UTRN: variants seen among roughly 807,000 people sequenced by gnomAD.
UTRN encodes the protein utrophin.
UTRN carries 283 observed loss-of-function variants against 463.9 expected under a neutral mutation model. That is an observed-to-expected ratio of 0.61 (90% CI 0.55 to 0.67). The LOEUF is 0.67. Ranked by LOEUF, UTRN falls within the 30% of genes least tolerant of loss-of-function variation. The pLI, the probability that UTRN is intolerant of heterozygous loss-of-function variation, is 0.00. For synonymous variants in UTRN, 1,442 were observed against 1,431.5 expected, an observed-to-expected ratio of 1.01 and a Z score of -0.17; for missense variants, 3,922 against 4,084.3, an observed-to-expected ratio of 0.96 and a Z score of 1.08.
At chr6:144,361,768 C>CTTTTTTTTT (rs200737117) in intron 2 of UTRN, among the ~76,000 whole-genome samples, 2 of 138,696 alleles carry the variant, frequency 1.4e-5, no homozygotes, top group African/African-American at 5.7e-5. Context: ...TTCTTTCTTT[C>CTTTTTTTTT]TTTCTTTTTT....
chr6:144,805,328 G>C (rs570351995), intron 65 of UTRN, among the ~76,000 whole-genome samples: 4 of 152,304 alleles, frequency 2.6e-5, no homozygotes, highest in Admixed American at 6.5e-5. Context: ...ATACATTGCA[G>C]TAAGTGCCTT....
chr6:144,392,590 A>G (rs1325687102), intron 2 of UTRN, among the ~76,000 whole-genome samples: 1 of 152,204 alleles, frequency 6.6e-6, no homozygotes, highest in Non-Finnish European at 1.5e-5. Flanking sequence ...AAATAAAGAT[A>G]ACTGATGCCT....
chr6:144,593,760 A>G (rs1201874407), intron 51 of UTRN, among the ~76,000 whole-genome samples: 1 of 152,168 alleles, frequency 6.6e-6, no homozygotes, highest in Non-Finnish European at 1.5e-5. Flanking sequence ...AAGTTCATTC[A>G]TTTACATTTT....
chr6:144,604,490 A>AATTATTATTATTC (rs1804609470), intron 51 of UTRN, among the ~76,000 whole-genome samples: 1 of 152,184 alleles, frequency 6.6e-6, no homozygotes, highest in South Asian at 2.1e-4. Context: ...TGTATAAATG[A>AATTATTATTATTC]ATTATTATTA....
chr6:144,784,202 G>A (rs1776101693), intron 61 of UTRN, among the ~76,000 whole-genome samples: 1 of 152,216 alleles, frequency 6.6e-6, no homozygotes, highest in Non-Finnish European at 1.5e-5. Context: ...AACTGGAGAA[G>A]AGGTTCAGTT....
intron 2 of UTRN, among the ~76,000 whole-genome samples, chr6:144,370,453 A>G (rs1341228292): frequency 6.6e-6 from 1 of 152,210 alleles, no homozygotes; most frequent in East Asian, 1.9e-4. Context: ...GGGAACCTCC[A>G]CTTAGATTTC....
intron 4 of UTRN, among the ~76,000 whole-genome samples, chr6:144,422,443 C>T (rs772646915): frequency 1.3e-5 from 2 of 152,122 alleles, no homozygotes; most frequent in Non-Finnish European, 2.9e-5. Flanking sequence ...ATGGTGAAAC[C>T]CCATCTCTAC....
chr6:144,462,684 C>A lies in UTRN; in HGVS notation c.2884C>A (p.Pro962Thr), dbSNP rs750447450. 3 of 1,601,464 alleles carry A rather than the reference C, an allele frequency of 1.9e-6. No individual in the cohort carries two copies. The Admixed American group carries it at 5.4e-5, about 29-fold the overall frequency. The change falls in exon 23 of 75, where the codon CCT (proline) becomes ACT (threonine). Residue 962 changes from proline (P) to threonine (T), a missense_variant. Physicochemically the swap from Pro to Thr is conservative, Grantham distance 38 (BLOSUM62 -1). Coordinates refer to ENST00000367545, the MANE Select transcript of UTRN (RefSeq NM_007124.3). ...TGATGAAATCCTTGAGAATCAGAAA[C>A]CTGCATTACATAAACTTGCAGAAGA... ...TLDEILENQK[P>T]ALHKLAEETK... is the part of the protein sequence containing the mutation.
intron 23 of UTRN, among the ~76,000 whole-genome samples, chr6:144,471,077 A>AGGGAGG (rs1324904930): frequency 1.8e-4 from 1 of 5,660 alleles, no homozygotes; most frequent in East Asian, 5.7e-3. Flanking sequence ...GGAGGGGGCG[A>AGGGAGG]GGGAGGGGGA....
intron 3 of UTRN, among the ~76,000 whole-genome samples, chr6:144,415,102 C>T (rs1784256805): frequency 6.6e-6 from 1 of 152,130 alleles, no homozygotes; most frequent in South Asian, 2.1e-4. Flanking sequence ...CTGCATTATT[C>T]AGTACAGTAG....
intron 54 of UTRN, among the ~76,000 whole-genome samples, chr6:144,730,964 G>A (rs1788453252): frequency 6.6e-6 from 1 of 150,714 alleles, no homozygotes; most frequent in South Asian, 2.1e-4. Context: ...TACCCTGTGT[G>A]TTTATTTACT....
chr6:144,735,082 A>G lies in UTRN; in HGVS notation c.7939+4596A>G, dbSNP rs369397643. Among the ~76,000 whole-genome samples the G allele has an allele frequency of 4.6e-5, 7 of 152,226 alleles. No individual in the cohort carries two copies. In the East Asian group the frequency reaches 7.7e-4, roughly 17 times the overall value. ...AGCTGAGCACTGTCCAAGATGGATA[A>G]AGAAGTATAACGCATGTTCCTGAGG... is the stretch of plus-strand genomic sequence containing the variant. On this transcript the variant is annotated intron_variant, in intron 54 of 74. Coordinates refer to ENST00000367545, the MANE Select transcript of UTRN (RefSeq NM_007124.3).
chr6:144,322,230 G>A (rs553610179), intron 2 of UTRN, among the ~76,000 whole-genome samples: 2 of 152,182 alleles, frequency 1.3e-5, no homozygotes, highest in South Asian at 4.2e-4. Context: ...TGTTTACCTT[G>A]GATGGATGTT....
At chr6:144,329,567 T>C (rs1776200277) in intron 2 of UTRN, among the ~76,000 whole-genome samples, 1 of 152,184 alleles carries the variant, frequency 6.6e-6, no homozygotes. Context: ...ATTTTCAAGA[T>C]ACCTGCTAGA....
chr6:144,389,716 A>G (rs777805435), intron 2 of UTRN, among the ~76,000 whole-genome samples: 2 of 151,972 alleles, frequency 1.3e-5, no homozygotes, highest in Non-Finnish European at 2.9e-5. Flanking sequence ...CTCCCGCCTC[A>G]GCCTCCTGAG....
chr6:144,559,283 T>C (rs1306214579), intron 50 of UTRN, among the ~76,000 whole-genome samples: 2 of 152,144 alleles, frequency 1.3e-5, no homozygotes, highest in Non-Finnish European at 2.9e-5. Flanking sequence ...GTTGTCCTTA[T>C]TGTGTTTTCT....
intron 25 of UTRN, among the ~76,000 whole-genome samples, chr6:144,475,118 T>G (rs996133907): frequency 7.2e-5 from 11 of 152,166 alleles, no homozygotes; most frequent in Non-Finnish European, 1.2e-4. Context: ...GGTACAGCAT[T>G]GAACAAGGAA....
intron 54 of UTRN, among the ~76,000 whole-genome samples, chr6:144,737,488 T>C (rs1193616003): frequency 2.0e-5 from 3 of 152,198 alleles, no homozygotes; most frequent in Admixed American, 1.3e-4. Flanking sequence ...GGTGTGTGTA[T>C]TTCTGAAGAC....
At chr6:144,370,206 G>A (rs1015225381) in intron 2 of UTRN, among the ~76,000 whole-genome samples, 3 of 152,188 alleles carry the variant, frequency 2.0e-5, no homozygotes, top group Non-Finnish European at 2.9e-5. Flanking sequence ...AGGTCTTCAC[G>A]GCAGCCCCTC....
Sources: gnomAD v4.1 joint callset for allele counts (sites outside exome capture counted in the v4.1 genomes callset) on GRCh38, gnomAD v4.1.1 for gene constraint, MANE v1.5 for transcripts, NCBI Gene and HGNC (gene_info 2026-07-23, HGNC 2026-07-21) for gene names.